Variants in AGBL4 observed in about 807,000 individuals in gnomAD.
AGBL4 encodes AGBL carboxypeptidase 4, also known as cytosolic carboxypeptidase 6.
Under a neutral mutation model 66.4 loss-of-function variants are expected in AGBL4, and 58 were observed. The observed-to-expected ratio is 0.87, with a 90% confidence interval of 0.71 to 1.09. The LOEUF (loss-of-function observed/expected upper bound fraction) is 1.09. Ranked by LOEUF, AGBL4 falls within the 50% of genes least tolerant of loss-of-function variation. AGBL4 has a pLI of 0.00. For synonymous variants in AGBL4, 234 were observed against 222.9 expected, an observed-to-expected ratio of 1.05 and a Z score of -0.44; for missense variants, 579 against 631.0, an observed-to-expected ratio of 0.92 and a Z score of 0.88.
intron 5 of AGBL4, among the ~76,000 whole-genome samples, chr1:49,002,475 ATT>A (rs1661467485): frequency 6.6e-6 from 1 of 152,230 alleles, no homozygotes; most frequent in African/African-American, 2.4e-5. Flanking sequence ...AGACTCAAAC[ATT>A]CTCTGTACCT....
chr1:49,713,455 AATGTTTT>A (rs1034803966), intron 2 of AGBL4, among the ~76,000 whole-genome samples: 15 of 152,118 alleles, frequency 9.9e-5, no homozygotes, highest in African/African-American at 3.6e-4. Context: ...TTTTATTTTT[AATGTTTT>A]ATAAGTATCA....
At chr1:49,636,930 T>C (rs544273039) in intron 3 of AGBL4, among the ~76,000 whole-genome samples, 1 of 152,328 alleles carries the variant, frequency 6.6e-6, no homozygotes, top group African/African-American at 2.4e-5. Context: ...TTTGAGTCAG[T>C]GGGCTGGGAA....
rs370569739 is a variant in AGBL4 at position 49,137,305 on chromosome 1, T to C, written c.378-91505A>G. Among the ~76,000 whole-genome samples, 13 of 152,264 alleles carry C rather than the reference T, an allele frequency of 8.5e-5. No homozygotes were observed. The East Asian group carries it at 1.9e-3, about 23-fold the overall frequency. On this transcript the variant is annotated intron_variant, in intron 4 of 13. Coordinates refer to ENST00000371839, the MANE Select transcript of AGBL4 (RefSeq NM_032785.4). The stretch of plus-strand genomic sequence containing the variant: ...CAAAACCATTTCTGATGTTATCGTA[T>C]AATAGAAGACTGATTGTATACGAAA...
intron 3 of AGBL4, among the ~76,000 whole-genome samples, chr1:49,471,436 C>T (rs958740035): frequency 6.6e-6 from 1 of 151,838 alleles, no homozygotes; most frequent in Non-Finnish European, 1.5e-5. Context: ...TGTATGTTTC[C>T]CTAATTCTCT....
intron 5 of AGBL4, among the ~76,000 whole-genome samples, chr1:49,024,021 T>C (rs1441685272): frequency 6.6e-6 from 1 of 152,126 alleles, no homozygotes; most frequent in Non-Finnish European, 1.5e-5. Flanking sequence ...TGAGAGCAAT[T>C]GGCAAGGTAT....
chr1:49,982,146 G>A (rs1659107603), intron 1 of AGBL4, among the ~76,000 whole-genome samples: 1 of 152,206 alleles, frequency 6.6e-6, no homozygotes, highest in African/African-American at 2.4e-5. Flanking sequence ...ATTAAGATGT[G>A]TTCAAAATTA....
intron 3 of AGBL4, among the ~76,000 whole-genome samples, chr1:49,669,478 C>A (rs1187564916): frequency 6.6e-6 from 1 of 152,136 alleles, no homozygotes; most frequent in African/African-American, 2.4e-5. Flanking sequence ...ACCATTGTCC[C>A]ACAACCCAAA....
chr1:48,647,679 C>A, intron 8 of AGBL4: 1 of 425,354 alleles, frequency 2.4e-6, no homozygotes, highest in South Asian at 1.7e-5. Flanking sequence ...TTTTCAAATG[C>A]AGGCAACTTC....
At chr1:48,796,944 G>A (rs1362231207) in intron 6 of AGBL4, among the ~76,000 whole-genome samples, 2 of 152,188 alleles carry the variant, frequency 1.3e-5, no homozygotes, top group East Asian at 1.9e-4. Context: ...AGCCTACTCT[G>A]ACACAGGAAA....
At chr1:49,573,140 G>GTC (rs1344714282) in intron 3 of AGBL4, among the ~76,000 whole-genome samples, 34 of 134,628 alleles carry the variant, frequency 2.5e-4, no homozygotes, top group African/African-American at 1.1e-3. Context: ...GTCTGTGTGT[G>GTC]TGTGTCTGTG....
chr1:49,189,775 T>G (rs1647081351), intron 4 of AGBL4, among the ~76,000 whole-genome samples: 1 of 152,182 alleles, frequency 6.6e-6, no homozygotes, highest in Non-Finnish European at 1.5e-5. Flanking sequence ...ATTACCTTTT[T>G]TCATGAGAAT....
chr1:49,948,237 TATAA>T (rs1419776677), intron 1 of AGBL4, among the ~76,000 whole-genome samples: 16 of 98,776 alleles, frequency 1.6e-4, no homozygotes, highest in African/African-American at 4.9e-4. Context: ...TATATAAATA[TATAA>T]ATAAATACAT....
intron 1 of AGBL4, among the ~76,000 whole-genome samples, chr1:49,957,441 CTGT>C (rs1287524222): frequency 6.6e-6 from 1 of 151,762 alleles, no homozygotes; most frequent in Admixed American, 6.6e-5. Flanking sequence ...GTTGATCTGT[CTGT>C]TGTTGACAGT....
At chr1:48,573,561 A>T (rs2883671) in intron 11 of AGBL4, among the ~76,000 whole-genome samples, 20,203 of 152,106 alleles carry the variant, frequency 0.13, 1,510 homozygotes, top group East Asian at 0.23. Flanking sequence ...ATCCTAAATG[A>T]ATTTGTCCTG....
intron 3 of AGBL4, among the ~76,000 whole-genome samples, chr1:49,425,645 C>G (rs2148649210): frequency 6.6e-6 from 1 of 152,292 alleles, no homozygotes; most frequent in East Asian, 1.9e-4. Flanking sequence ...GGATGCACCC[C>G]TGCTCATACA....
At chr1:49,029,324 T>TA (rs1201173853) in intron 5 of AGBL4, among the ~76,000 whole-genome samples, 10 of 152,074 alleles carry the variant, frequency 6.6e-5, no homozygotes, top group Admixed American at 2.0e-4. Flanking sequence ...AGGAATCTAA[T>TA]AAAAAACAAT....
chr1:49,477,344 C>A (rs937261962), intron 3 of AGBL4, among the ~76,000 whole-genome samples: 3 of 151,994 alleles, frequency 2.0e-5, no homozygotes, highest in African/African-American at 7.2e-5. Context: ...TCACCAGAAC[C>A]CTAGATCCAC....
At chr1:49,519,853 G>A (rs1039177838) in intron 3 of AGBL4, among the ~76,000 whole-genome samples, 3 of 152,108 alleles carry the variant, frequency 2.0e-5, no homozygotes, top group Admixed American at 1.3e-4. Context: ...AGTAGGGAGT[G>A]AGGCATAGAG....
At chr1:49,415,967 C>T (rs994344893) in intron 3 of AGBL4, among the ~76,000 whole-genome samples, 4 of 151,970 alleles carry the variant, frequency 2.6e-5, no homozygotes, top group African/African-American at 4.8e-5. Flanking sequence ...TTGCATGGAA[C>T]GATATTCTAC....
Sources: allele counts gnomAD v4.1 joint callset (sites outside exome capture counted in the v4.1 genomes callset), GRCh38; gene constraint gnomAD v4.1.1; transcripts MANE v1.5; gene names NCBI Gene and HGNC (gene_info 2026-07-23, HGNC 2026-07-21).